NAV3: variants seen among roughly 807,000 people sequenced by gnomAD.
NAV3 encodes pore membrane and/or filament interacting like protein 1.
Under a neutral mutation model 244.7 loss-of-function variants are expected in NAV3, and 87 were observed. The observed-to-expected ratio is 0.36, with a 90% CI of 0.30 to 0.42. The LOEUF is 0.42. NAV3 is among the 20% of genes least tolerant of loss of function. NAV3 has a pLI of 1.00. For synonymous variants in NAV3, 1,126 were observed against 1,042.2 expected, an observed-to-expected ratio of 1.08 and a Z score of -1.55; for missense variants, 2,663 against 2,893.3, an observed-to-expected ratio of 0.92 and a Z score of 1.83.
chr12:78,122,470 C>T (rs1289254796), intron 16 of NAV3, 42 bp downstream of exon 16: 1 of 1,526,388 alleles, frequency 6.6e-7, no homozygotes. Context: ...TCCCCCTCTT[C>T]CCTGCACTAT....
At chr12:78,073,670 C>T (rs1283204222) in intron 12 of NAV3, among the ~76,000 whole-genome samples, 2 of 151,962 alleles carry the variant, frequency 1.3e-5, no homozygotes, top group Non-Finnish European at 2.9e-5. Context: ...GCTTTCTTCA[C>T]AGAATTGGAA....
intron 22 of NAV3, among the ~76,000 whole-genome samples, chr12:78,150,629 C>CCACACACACACA (rs765969323): frequency 9.8e-5 from 12 of 122,516 alleles, no homozygotes; most frequent in Non-Finnish European, 1.2e-4. Context: ...GCAAAAGCTT[C>CCACACACACACA]CTCACACACA....
At chr12:78,116,218 G>C (rs1955370070) in intron 12 of NAV3, among the ~76,000 whole-genome samples, 1 of 152,140 alleles carries the variant, frequency 6.6e-6, no homozygotes, top group African/African-American at 2.4e-5. Flanking sequence ...ATGGAAATGT[G>C]AGGGATGGCA....
chr12:77,964,362 A>G (rs775298452), intron 3 of NAV3, among the ~76,000 whole-genome samples: 18 of 152,176 alleles, frequency 1.2e-4, no homozygotes, highest in Non-Finnish European at 1.9e-4. Flanking sequence ...TTTCTATAAA[A>G]GGCATATAAT....
In NAV3 at chr12:77,737,511, G is replaced by C. The variant is rs577636483; in HGVS notation, c.72+165245G>C. ...TTGACACAATTTTAAAAGCTCCCCA[G>C]GAGATTCTGCTGTACACCGAGGATT... On this transcript the variant is annotated intron_variant, in intron 2 of 8. Transcript: ENST00000550042. Among the ~76,000 whole-genome samples, 8 of 152,076 alleles carry C rather than the reference G, an allele frequency of 5.3e-5. No homozygotes were observed. The Middle Eastern group carries it at 0.01, about 194-fold the overall frequency.
chr12:77,644,313 G>A (rs1470922113), intron 2 of NAV3, among the ~76,000 whole-genome samples: 2 of 152,048 alleles, frequency 1.3e-5, no homozygotes, highest in Admixed American at 1.3e-4. Context: ...GCAAGAGGAA[G>A]GAGGGACAGA....
Position 78,122,130 on chromosome 12 carries a change from A to C in NAV3, c.3940A>C (p.Lys1314Gln), listed in dbSNP as rs1181959458. Residue 1314 changes from lysine to glutamine, a missense_variant, in exon 16 of 40, where the codon AAA (lysine) becomes CAA (glutamine). Lys to Gln is a moderately conservative substitution (Grantham distance 53). Coordinates refer to ENST00000397909, the MANE Select transcript of NAV3 (RefSeq NM_001024383.2). ...CGGCAGCAGCAGCCCTCTCTTCAAT[A>C]AACCCTCAGACTTAACTACAGATGT... ...LSGSSSPLFNKPSDLTTDVIS... is the reference protein window; with the variant it reads ...LSGSSSPLFNQPSDLTTDVIS... 3.7e-6 allele frequency: 6 copies of C among 1,614,108 alleles called. No homozygotes were observed. The highest frequency in any genetic ancestry group is 5.1e-6 in the Non-Finnish European group (6 of 1,180,018).
intron 2 of NAV3, among the ~76,000 whole-genome samples, chr12:77,812,764 G>C (rs1043429627): frequency 5.9e-5 from 9 of 152,058 alleles, no homozygotes; most frequent in African/African-American, 2.2e-4. Context: ...AGTCACACTT[G>C]ATCATTGAGC....
At chr12:78,118,321 T>C (rs551400459) in intron 14 of NAV3, 24 bp downstream of exon 14, 3 of 1,574,652 alleles carry the variant, frequency 1.9e-6, no homozygotes, top group African/African-American at 1.4e-5. Flanking sequence ...TTGCCAGCTG[T>C]TATGCAAAAG....
intron 38 of NAV3, among the ~76,000 whole-genome samples, chr12:78,204,394 T>C (rs1960070826): frequency 6.6e-6 from 1 of 151,958 alleles, no homozygotes; most frequent in Non-Finnish European, 1.5e-5. Context: ...CAGAAAGCAA[T>C]GGGATTAAAG....
chr12:77,944,547 A>G (rs1890156081), intron 3 of NAV3, among the ~76,000 whole-genome samples: 1 of 152,154 alleles, frequency 6.6e-6, no homozygotes, highest in Non-Finnish European at 1.5e-5. Context: ...TGTATCTATT[A>G]AAACATCAAT....
At chr12:77,787,648 G>A (rs1002089313) in intron 2 of NAV3, among the ~76,000 whole-genome samples, 1 of 152,170 alleles carries the variant, frequency 6.6e-6, no homozygotes, top group African/African-American at 2.4e-5. Flanking sequence ...AGCTGCCCCC[G>A]TGATTCAGTT....
intron 7 of NAV3, among the ~76,000 whole-genome samples, chr12:78,000,612 A>C (rs111677363): frequency 7.6e-6 from 1 of 132,196 alleles, no homozygotes; most frequent in Non-Finnish European, 1.6e-5. Flanking sequence ...CACGCCATTC[A>C]CCTGCCTCAG....
chr12:77,607,543 A>C (rs1565734671), intron 2 of NAV3, among the ~76,000 whole-genome samples: 1 of 152,050 alleles, frequency 6.6e-6, no homozygotes, highest in South Asian at 2.1e-4. Context: ...TTGAAAGGAG[A>C]TGGACGTTTC....
At chr12:77,810,813 C>A (rs1311810054) in intron 2 of NAV3, among the ~76,000 whole-genome samples, 1 of 151,982 alleles carries the variant, frequency 6.6e-6, no homozygotes, top group African/African-American at 2.4e-5. Flanking sequence ...AGCAAATATA[C>A]AAATTAAGTT....
intron 2 of NAV3, among the ~76,000 whole-genome samples, chr12:77,611,379 T>G (rs1302559026): frequency 1.3e-5 from 2 of 152,032 alleles, no homozygotes; most frequent in Non-Finnish European, 2.9e-5. Flanking sequence ...AAAGAAATTA[T>G]AATTTCAAGT....
chr12:77,759,892 T>C (rs1175111042), intron 2 of NAV3, among the ~76,000 whole-genome samples: 1 of 152,218 alleles, frequency 6.6e-6, no homozygotes, highest in Non-Finnish European at 1.5e-5. Context: ...ATCATAACTT[T>C]GGTTGAAGTT....
At chr12:77,736,480 G>C (rs1208496310) in intron 2 of NAV3, among the ~76,000 whole-genome samples, 2 of 152,124 alleles carry the variant, frequency 1.3e-5, no homozygotes, top group Non-Finnish European at 2.9e-5. Context: ...CTAGGGGTCT[G>C]GGATCCACTG....
chr12:78,156,597 A>G (rs1957314072), intron 22 of NAV3, among the ~76,000 whole-genome samples: 1 of 152,136 alleles, frequency 6.6e-6, no homozygotes, highest in Non-Finnish European at 1.5e-5. Context: ...TTAAGGATTC[A>G]TAGTAGAATG....
Sources: allele counts gnomAD v4.1 joint callset (sites outside exome capture counted in the v4.1 genomes callset), GRCh38; gene constraint gnomAD v4.1.1; transcripts MANE v1.5; gene names NCBI Gene and HGNC (gene_info 2026-07-23, HGNC 2026-07-21).